ACO2: variants seen among roughly 807,000 people sequenced by gnomAD.
The protein encoded by ACO2 is aconitate hydratase, mitochondrial.
In ACO2, 31 loss-of-function variants were observed where a neutral mutation model predicts 84.5. The observed-to-expected ratio is 0.37, with a 90% CI of 0.28 to 0.50. The LOEUF is 0.50. Among genes scored for constraint, ACO2 ranks in the 20% least tolerant of loss-of-function variants. ACO2 has a pLI of 0.97. For synonymous variants in ACO2, 414 were observed against 412.7 expected, an observed-to-expected ratio of 1.00 and a Z score of -0.04; for missense variants, 685 against 1,029.3, an observed-to-expected ratio of 0.67 and a Z score of 4.58.
chr22:41,507,353 C>T (rs912003785), intron 2 of ACO2, among the ~76,000 whole-genome samples: 1 of 152,000 alleles, frequency 6.6e-6, no homozygotes, highest in African/African-American at 2.4e-5. Context: ...AGGGAAGTAG[C>T]GAAATCTAGC....
rs1362831618 is a variant in ACO2, at chr22:41,528,589, C to G, written c.2319C>G (p.Asn773Lys). 6.2e-7 allele frequency: 1 copy of G among 1,612,160 alleles called. No individual in the cohort carries two copies. Among genetic ancestry groups the G allele is most frequent in the African/African-American group, 1.3e-5 (1 of 74,908 alleles). The change falls in exon 18 of 18, where the codon AAC becomes AAG. Residue 773 changes from asparagine to lysine, a missense_variant. Asn to Lys is a moderately conservative substitution (Grantham distance 94). Around this residue, in one of 5 missense-constraint regions of ACO2, gnomAD observed 174 missense variants for 236.6 expected, o/e 0.74. Coordinates refer to ENST00000216254, the MANE Select transcript of ACO2 (RefSeq NM_001098.3). ...IEWFRAGSALNRMKELQQ is the reference protein window; with the variant it reads ...IEWFRAGSALKRMKELQQ Reference sequence around the variant, plus strand: ...GGTTCCGCGCTGGCAGTGCCCTCAACAGAATGAAGGAACTGCAACAGTGAG... The same window carrying G: ...GGTTCCGCGCTGGCAGTGCCCTCAAGAGAATGAAGGAACTGCAACAGTGAG...
chr22:41,484,490 A>G (rs767156132), intron 1 of ACO2, among the ~76,000 whole-genome samples: 2 of 152,142 alleles, frequency 1.3e-5, no homozygotes, highest in Non-Finnish European at 2.9e-5. Flanking sequence ...TGATTTTTCT[A>G]TATTTTCTCC....
intron 3 of ACO2, among the ~76,000 whole-genome samples, chr22:41,509,600 G>C (rs916090432): frequency 8.5e-5 from 13 of 152,256 alleles, no homozygotes; most frequent in African/African-American, 3.1e-4. Flanking sequence ...GGAAGAACAT[G>C]CTAGAAAGAA....
rs1037604899 is a variant in ACO2, at chr22:41,515,209, G to A, written c.526-168G>A. 1.3e-5 allele frequency among the ~76,000 whole-genome samples: 2 copies of A among 152,222 alleles called. No individual in the cohort carries two copies. Among genetic ancestry groups the A allele is most frequent in the African/African-American group, 4.8e-5 (2 of 41,460 alleles). On this transcript the variant is annotated intron_variant, in intron 4 of 17. Coordinates refer to ENST00000216254, the MANE Select transcript of ACO2 (RefSeq NM_001098.3). The surrounding 1 kb of genome is among the most constrained non-coding windows in gnomAD (Gnocchi z 5.8). ...AGGCCACCTGTCTCCCAAGGCTCTG[G>A]CTCTTCTTGGCCACCCTGGAGACGG...
chr22:41,519,364 G>A (rs1015455451), intron 8 of ACO2, among the ~76,000 whole-genome samples: 3 of 152,164 alleles, frequency 2.0e-5, no homozygotes, highest in Non-Finnish European at 4.4e-5. Context: ...CATCACGTGT[G>A]GAACCTACAG....
intron 14 of ACO2, 33 bp from the exon 15 acceptor site, chr22:41,526,229 C>T (rs747847114): frequency 1.3e-6 from 2 of 1,595,710 alleles, no homozygotes; most frequent in Admixed American, 1.7e-5. Context: ...AGGGCCATGC[C>T]CTGACCTCTG....
chr22:41,521,056 A>AAG (rs1555889603), intron 9 of ACO2, among the ~76,000 whole-genome samples: 3 of 147,090 alleles, frequency 2.0e-5, no homozygotes, highest in African/African-American at 4.9e-5. Flanking sequence ...AAAAAAAAAA[A>AAG]AAAGAAAGAA....
chr22:41,514,899 C>T (rs996435110), intron 4 of ACO2, among the ~76,000 whole-genome samples: 14 of 152,226 alleles, frequency 9.2e-5, no homozygotes, highest in African/African-American at 3.4e-4. Flanking sequence ...TTTGTGTACC[C>T]ACTGGGGCCT....
chr22:41,516,216 C>T, intron 6 of ACO2: 3 of 597,686 alleles, frequency 5.0e-6, no homozygotes, highest in Admixed American at 5.9e-5. Flanking sequence ...CAGGCCATAG[C>T]ACTAGGCCAC....
At chr22:41,470,180 G>A (rs2037927219) in intron 1 of ACO2, among the ~76,000 whole-genome samples, 1 of 152,080 alleles carries the variant, frequency 6.6e-6, no homozygotes, top group African/African-American at 2.4e-5. Context: ...TATACTCAGA[G>A]GTTCAATGTC....
intron 14 of ACO2, 94 bp downstream of exon 14, chr22:41,525,442 C>T (rs2066574094): frequency 1.3e-6 from 2 of 1,495,944 alleles, no homozygotes; most frequent in South Asian, 1.2e-5. Context: ...AGGAAGTGAG[C>T]ACAGTCAAGA....
At chr22:41,472,325 C>T (rs1187699745) in intron 1 of ACO2, among the ~76,000 whole-genome samples, 3 of 151,472 alleles carry the variant, frequency 2.0e-5, no homozygotes, top group Non-Finnish European at 2.9e-5. Context: ...TGCACTACAG[C>T]CTGGGTGACA....
intron 1 of ACO2, among the ~76,000 whole-genome samples, chr22:41,483,811 C>T (rs1045796333): frequency 1.3e-5 from 2 of 152,108 alleles, no homozygotes; most frequent in African/African-American, 4.8e-5. Context: ...GATGTGTTCT[C>T]TCAAAACGAC....
At chr22:41,528,372 G>GGT in intron 17 of ACO2, 107 bp from the exon 18 acceptor site, 2 of 1,483,688 alleles carry the variant, frequency 1.3e-6, no homozygotes, top group Non-Finnish European at 1.8e-6. Context: ...TGGTTTGCCT[G>GGT]CTGACCTCTT....
chr22:41,475,533 G>C (rs1160686544), intron 1 of ACO2, among the ~76,000 whole-genome samples: 1 of 152,046 alleles, frequency 6.6e-6, no homozygotes, highest in African/African-American at 2.4e-5. Context: ...GGAAGGCAGT[G>C]GTGGGCTCTG....
chr22:41,504,966 C>T (rs1018923010), intron 2 of ACO2, among the ~76,000 whole-genome samples: 12 of 151,806 alleles, frequency 7.9e-5, no homozygotes, highest in African/African-American at 2.2e-4. Flanking sequence ...CTGTCTGCCT[C>T]GGCCTCCTAA....
At chr22:41,503,575 C>T (rs1037138204) in intron 2 of ACO2, among the ~76,000 whole-genome samples, 20 of 152,188 alleles carry the variant, frequency 1.3e-4, no homozygotes, top group East Asian at 9.7e-4. Context: ...GTGATCCACC[C>T]GCCTCAGTCT....
intron 1 of ACO2, among the ~76,000 whole-genome samples, chr22:41,496,801 C>T (rs952195831): frequency 1.7e-4 from 26 of 152,094 alleles, no homozygotes; most frequent in Non-Finnish European, 1.8e-4. Flanking sequence ...TTGCCCCTGC[C>T]ATAGGTTAGA....
At chr22:41,518,652 AG>A in intron 8 of ACO2, 80 bp downstream of exon 8, 1 of 1,118,256 alleles carries the variant, frequency 8.9e-7, no homozygotes, top group Non-Finnish European at 1.3e-6. Flanking sequence ...ATACTCACTG[AG>A]GGCCGGGTGG....
Sources: gnomAD v4.1 joint callset for allele counts (sites outside exome capture counted in the v4.1 genomes callset) on GRCh38, gnomAD v4.1.1 for gene constraint, gnomAD v4.1.1 regional missense constraint, Gnocchi (gnomAD v3.1) non-coding constraint, MANE v1.5 for transcripts, NCBI Gene and HGNC (gene_info 2026-07-23, HGNC 2026-07-21) for gene names.